Variants in LRBA observed in about 807,000 individuals in gnomAD.
LRBA encodes the protein lipopolysaccharide-responsive and beige-like anchor protein.
In LRBA, 176 loss-of-function variants were observed where a neutral mutation model predicts 330.0. That is an observed-to-expected ratio of 0.53 (90% CI 0.47 to 0.60). The LOEUF is 0.60. LRBA is among the 20% of genes least tolerant of loss of function. The pLI is 0.00. For missense variants in LRBA, 3,259 were observed against 3,444.8 expected, an observed-to-expected ratio of 0.95 and a Z score of 1.35; for synonymous variants, 1,230 against 1,193.0, an observed-to-expected ratio of 1.03 and a Z score of -0.64.
chr4:150,780,041 A>G (rs1737948056), intron 34 of LRBA, among the ~76,000 whole-genome samples: 1 of 152,174 alleles, frequency 6.6e-6, no homozygotes, highest in Non-Finnish European at 1.5e-5. Flanking sequence ...CACAACATTA[A>G]GAATTAAACA....
At chr4:150,604,630 T>C (rs1282580610) in intron 37 of LRBA, among the ~76,000 whole-genome samples, 4 of 152,296 alleles carry the variant, frequency 2.6e-5, no homozygotes, top group East Asian at 3.9e-4. Flanking sequence ...CAAAAAAGTA[T>C]GTGTAACAGA....
At chr4:150,423,409 G>T in intron 46 of LRBA, 14 of 630,332 alleles carry the variant, frequency 2.2e-5, no homozygotes, top group Non-Finnish European at 2.3e-5. Context: ...CCTTCCTTCT[G>T]CGCTTCTTTT....
chr4:150,718,763 T>C (rs1460290645), intron 36 of LRBA, among the ~76,000 whole-genome samples: 1 of 152,122 alleles, frequency 6.6e-6, no homozygotes, highest in Non-Finnish European at 1.5e-5. Flanking sequence ...GCACAATGAT[T>C]AAAATGAAAA....
chr4:150,630,212 A>G (rs982833883), intron 37 of LRBA, among the ~76,000 whole-genome samples: 3 of 152,148 alleles, frequency 2.0e-5, no homozygotes, highest in Admixed American at 2.0e-4. Flanking sequence ...GTCTACTGTT[A>G]TTATAACACC....
chr4:150,302,889 G>GAGTTCAT, intron 52 of LRBA, 97 bp from the exon 53 acceptor site: 3 of 783,918 alleles, frequency 3.8e-6, no homozygotes, highest in Non-Finnish European at 5.8e-6. Context: ...TATGAACTCT[G>GAGTTCAT]ATGGTCATAA....
intron 2 of LRBA, among the ~76,000 whole-genome samples, chr4:150,931,021 T>G (rs1734432899): frequency 6.6e-6 from 1 of 152,254 alleles, no homozygotes; most frequent in African/African-American, 2.4e-5. Context: ...TAGATTATAT[T>G]GTCTGTAAAT....
At chr4:150,654,003 C>A (rs566462236) in intron 37 of LRBA, among the ~76,000 whole-genome samples, 1 of 152,188 alleles carries the variant, frequency 6.6e-6, no homozygotes, top group Non-Finnish European at 1.5e-5. Flanking sequence ...CACTGGGAAT[C>A]TTCAGATTAC....
At chr4:150,933,480 G>A (rs951546106) in intron 2 of LRBA, among the ~76,000 whole-genome samples, 1 of 152,060 alleles carries the variant, frequency 6.6e-6, no homozygotes, top group Non-Finnish European at 1.5e-5. Flanking sequence ...CTAAGATACT[G>A]TGAGAAAATC....
chr4:150,380,982 CAAAAAAAAA>C (rs58528401), intron 47 of LRBA, among the ~76,000 whole-genome samples: 5 of 61,008 alleles, frequency 8.2e-5, no homozygotes, highest in South Asian at 6.4e-4. Flanking sequence ...AACTCCATCT[CAAAAAAAAA>C]AAAAAAAAAA....
intron 47 of LRBA, among the ~76,000 whole-genome samples, chr4:150,406,409 T>C (rs1320740284): frequency 1.3e-5 from 2 of 152,198 alleles, no homozygotes; most frequent in African/African-American, 4.8e-5. Flanking sequence ...ATTGTCAGTC[T>C]AGATAAGTAA....
intron 2 of LRBA, among the ~76,000 whole-genome samples, chr4:150,974,129 TTGGAC>T (rs1265132122): frequency 6.6e-6 from 1 of 152,154 alleles, no homozygotes; most frequent in African/African-American, 2.4e-5. Context: ...AAACAATTCT[TTGGAC>T]TGTGATCACT....
chr4:150,447,964 A>G (rs1752819543), intron 44 of LRBA, among the ~76,000 whole-genome samples: 1 of 152,222 alleles, frequency 6.6e-6, no homozygotes, highest in Admixed American at 6.5e-5. Flanking sequence ...AGGTCAAAGA[A>G]TGCACTAGAC....
chr4:150,837,567 A>C (rs1277899413), intron 28 of LRBA, among the ~76,000 whole-genome samples: 1 of 151,886 alleles, frequency 6.6e-6, no homozygotes, highest in Non-Finnish European at 1.5e-5. Context: ...GTCTCTTTTG[A>C]TCTTTGTTGG....
At chr4:150,562,313 AATT>A (rs1238417505) in intron 40 of LRBA, among the ~76,000 whole-genome samples, 2 of 152,196 alleles carry the variant, frequency 1.3e-5, no homozygotes, top group East Asian at 3.8e-4. Context: ...ATAAGCATTA[AATT>A]TTTCTTTAGA....
intron 36 of LRBA, among the ~76,000 whole-genome samples, chr4:150,710,196 A>G (rs998795203): frequency 2.6e-5 from 4 of 152,184 alleles, no homozygotes; most frequent in Admixed American, 2.6e-4. Context: ...GAGGCAAAAT[A>G]AACAGAACTT....
chr4:150,481,221 T>C (rs1304479650), intron 42 of LRBA, among the ~76,000 whole-genome samples: 2 of 152,100 alleles, frequency 1.3e-5, no homozygotes, highest in East Asian at 3.9e-4. Flanking sequence ...TATGGCACCT[T>C]TTCCTTATCC....
intron 37 of LRBA, among the ~76,000 whole-genome samples, chr4:150,681,692 G>A (rs1409531007): frequency 1.3e-5 from 2 of 152,082 alleles, no homozygotes; most frequent in African/African-American, 4.8e-5. Context: ...AATTTAAAAT[G>A]TACACATTAG....
intron 40 of LRBA, among the ~76,000 whole-genome samples, chr4:150,587,429 G>T (rs1772250817): frequency 6.6e-6 from 1 of 151,966 alleles, no homozygotes; most frequent in East Asian, 1.9e-4. Flanking sequence ...ACCTAATTTT[G>T]GTTTTTATGA....
chr4:150,653,025 C>T (rs1419063674), intron 37 of LRBA, among the ~76,000 whole-genome samples: 1 of 152,032 alleles, frequency 6.6e-6, no homozygotes, highest in Non-Finnish European at 1.5e-5. Context: ...ATTCCTTCTG[C>T]ATTTATTAGC....
Sources: allele counts gnomAD v4.1 joint callset (sites outside exome capture counted in the v4.1 genomes callset), GRCh38; gene constraint gnomAD v4.1.1; transcripts MANE v1.5; gene names NCBI Gene and HGNC (gene_info 2026-07-23, HGNC 2026-07-21).